Variants in CAMKMT observed in about 807,000 individuals in gnomAD.
CAMKMT encodes calmodulin-lysine N-methyltransferase.
A neutral mutation model predicts 48.0 loss-of-function variants in CAMKMT; 53 were observed. The ratio of observed to expected loss-of-function variants is 1.10; its 90% CI spans 0.89 to 1.39. The LOEUF (loss-of-function observed/expected upper bound fraction) is 1.39, where lower values mean the gene tolerates loss of function less well. CAMKMT is among the 40% of genes most tolerant of loss of function. The pLI is 0.00. For missense variants in CAMKMT, 428 were observed against 402.7 expected (o/e 1.06, Z -0.54); for synonymous variants, 165 against 152.3 (o/e 1.08, Z -0.61).
chr2:44,463,520 G>C (rs1209004796), intron 3 of CAMKMT, among the ~76,000 whole-genome samples: 2 of 152,120 alleles, frequency 1.3e-5, no homozygotes, highest in Non-Finnish European at 2.9e-5. Context: ...GCTTTTTAGG[G>C]GGTGAAAAAG....
chr2:44,732,644 A>G lies in CAMKMT; in HGVS notation c.624-10978A>G, dbSNP rs114384317. ...GTCACCATGCCCAGCTTGGAGTTCT[A>G]ATTTGAATTTCCCTAGGGACTAATG... On this transcript the variant is annotated intron_variant, in intron 7 of 10. Coordinates refer to ENST00000378494, the MANE Select transcript of CAMKMT (RefSeq NM_024766.5). Among the ~76,000 whole-genome samples, 891 of 152,282 alleles carry G rather than the reference A, an allele frequency of 5.9e-3. 5 individuals are homozygous for G. The highest frequency in any genetic ancestry group is 0.01 in the Non-Finnish European group (686 of 68,010).
rs151037616 is a variant in CAMKMT, at chr2:44,512,021, C to G, written c.376+121716C>G. On this transcript the variant is annotated intron_variant, in intron 3 of 10. Coordinates refer to ENST00000378494, the MANE Select transcript of CAMKMT (RefSeq NM_024766.5). ...AATGAAAACGTTCTGAGAACTTTCT[C>G]TGCTTGTGGGTGGAGGAAGGAGTGC... 2.1e-3 allele frequency among the ~76,000 whole-genome samples: 320 copies of G among 152,314 alleles called. 1 individual carries two copies. Among genetic ancestry groups the G allele is most frequent in the African/African-American group, 7.3e-3 (303 of 41,560 alleles).
chr2:44,390,378 C>A, intron 3 of CAMKMT, 73 bp downstream of exon 3: 1 of 1,095,318 alleles, frequency 9.1e-7, no homozygotes, highest in Non-Finnish European at 1.3e-6. Context: ...ATGTTTTCTT[C>A]TCACTAATAT....
At chr2:44,549,807 G>A (rs1246189622) in intron 3 of CAMKMT, 2 of 412,490 alleles carry the variant, frequency 4.8e-6, no homozygotes, top group African/African-American at 4.1e-5. Context: ...AAGACATAGG[G>A]GGCTTCTTCA....
intron 1 of CAMKMT, among the ~76,000 whole-genome samples, chr2:44,372,399 C>T (rs536385019): frequency 2.6e-4 from 40 of 151,360 alleles, no homozygotes; most frequent in Middle Eastern, 3.4e-3. Context: ...GTAGGAGGAT[C>T]GCCTGAACCC....
chr2:44,459,096 A>C (rs919318441), intron 3 of CAMKMT, among the ~76,000 whole-genome samples: 1 of 151,988 alleles, frequency 6.6e-6, no homozygotes, highest in Non-Finnish European at 1.5e-5. Context: ...AGACATTTCT[A>C]AGTGGGAAAA....
intron 7 of CAMKMT, among the ~76,000 whole-genome samples, chr2:44,725,290 C>G (rs1678722515): frequency 6.6e-6 from 1 of 152,166 alleles, no homozygotes; most frequent in Middle Eastern, 3.4e-3. Flanking sequence ...AAATATTTTA[C>G]TAAGTTGCTA....
intron 3 of CAMKMT, among the ~76,000 whole-genome samples, chr2:44,443,002 T>C (rs189240421): frequency 5.3e-5 from 8 of 152,302 alleles, no homozygotes; most frequent in Admixed American, 5.2e-4. Flanking sequence ...TTTATCTTCT[T>C]CCCGGCAGCA....
intron 3 of CAMKMT, among the ~76,000 whole-genome samples, chr2:44,419,016 T>G (rs901629727): frequency 2.0e-5 from 3 of 152,240 alleles, no homozygotes; most frequent in Non-Finnish European, 4.4e-5. Context: ...AAATAATCTT[T>G]TAAACATTTT....
At chr2:44,511,762 A>G (rs1030697100) in intron 3 of CAMKMT, among the ~76,000 whole-genome samples, 3 of 152,046 alleles carry the variant, frequency 2.0e-5, no homozygotes, top group South Asian at 2.1e-4. Context: ...CTCCTCCTGG[A>G]CTGTTCTTCC....
intron 3 of CAMKMT, among the ~76,000 whole-genome samples, chr2:44,651,521 T>C (rs1159954260): frequency 1.3e-5 from 2 of 151,928 alleles, no homozygotes; most frequent in Non-Finnish European, 2.9e-5. Flanking sequence ...CTGTCTCTAC[T>C]AAAGATACAA....
chr2:44,497,709 A>AGAGAG (rs1558657751), intron 3 of CAMKMT, among the ~76,000 whole-genome samples: 2,303 of 138,968 alleles, frequency 0.017, 84 homozygotes, highest in African/African-American at 0.059. Context: ...TAAGCAGGCA[A>AGAGAG]AGAGAGAGAG....
chr2:44,476,671 A>G (rs1166887576), intron 3 of CAMKMT, among the ~76,000 whole-genome samples: 1 of 152,036 alleles, frequency 6.6e-6, no homozygotes, highest in Non-Finnish European at 1.5e-5. Flanking sequence ...AAAAATGCTT[A>G]GAATCATATG....
chr2:44,367,566 A>G (rs1275415689), intron 1 of CAMKMT, among the ~76,000 whole-genome samples: 3 of 152,218 alleles, frequency 2.0e-5, no homozygotes, highest in Non-Finnish European at 4.4e-5. Flanking sequence ...AACAAATCCA[A>G]AATCTGAACA....
At chr2:44,661,413 T>C (rs1674673986) in intron 3 of CAMKMT, among the ~76,000 whole-genome samples, 1 of 150,348 alleles carries the variant, frequency 6.7e-6, no homozygotes, top group Non-Finnish European at 1.5e-5. Context: ...TTTCCTGGGT[T>C]CAAGCGATTC....
At chr2:44,640,495 C>T (rs1028330611) in intron 3 of CAMKMT, among the ~76,000 whole-genome samples, 3 of 152,142 alleles carry the variant, frequency 2.0e-5, no homozygotes, top group African/African-American at 7.2e-5. Flanking sequence ...CTGGCTTTGC[C>T]ACTCTCTGGC....
chr2:44,529,588 G>C (rs557163091), intron 3 of CAMKMT, among the ~76,000 whole-genome samples: 1 of 152,282 alleles, frequency 6.6e-6, no homozygotes, highest in Admixed American at 6.5e-5. Context: ...GGTTGCTTCT[G>C]AGGTGGCAGC....
intron 3 of CAMKMT, among the ~76,000 whole-genome samples, chr2:44,438,954 T>C (rs1666465716): frequency 6.6e-6 from 1 of 152,158 alleles, no homozygotes; most frequent in Non-Finnish European, 1.5e-5. Context: ...TTGGTGCCCT[T>C]TTTTGGTAAC....
At chr2:44,610,676 T>C (rs1448545368) in intron 3 of CAMKMT, among the ~76,000 whole-genome samples, 1 of 152,242 alleles carries the variant, frequency 6.6e-6, no homozygotes, top group Admixed American at 6.5e-5. Flanking sequence ...AATTGTGTCA[T>C]TGTTTAAATG....
Sources: gnomAD v4.1 joint callset for allele counts (sites outside exome capture counted in the v4.1 genomes callset) on GRCh38, gnomAD v4.1.1 for gene constraint, MANE v1.5 for transcripts, NCBI Gene and HGNC (gene_info 2026-07-23, HGNC 2026-07-21) for gene names.